RBFOX1: variants seen among roughly 807,000 people sequenced by gnomAD.
RBFOX1 encodes the protein RNA binding fox-1 homolog 1.
RBFOX1 carries 8 observed loss-of-function variants against 57.7 expected under a neutral mutation model. That is an observed-to-expected ratio of 0.14 (90% CI 0.08 to 0.25). RBFOX1 has a LOEUF of 0.25. RBFOX1 is among the 10% of genes least tolerant of loss of function. The pLI, the probability that RBFOX1 is intolerant of heterozygous loss-of-function variation, is 1.00. For missense variants in RBFOX1, 611 were observed against 548.5 expected (o/e 1.11, Z -1.14); for synonymous variants, 326 against 222.4 (o/e 1.47, Z -4.15).
intron 2 of RBFOX1, among the ~76,000 whole-genome samples, chr16:6,400,223 T>C (rs937013030): frequency 3.9e-5 from 6 of 151,932 alleles, no homozygotes; most frequent in African/African-American, 1.5e-4. Flanking sequence ...TCTTAATGCA[T>C]TTAAATTTTT....
intron 4 of RBFOX1, among the ~76,000 whole-genome samples, chr16:5,935,092 CTT>C (rs1429579286): frequency 1.3e-5 from 2 of 152,218 alleles, no homozygotes; most frequent in Admixed American, 6.5e-5. Context: ...TCAGCCAACT[CTT>C]TTACTGAAGC....
intron 4 of RBFOX1, among the ~76,000 whole-genome samples, chr16:7,225,288 G>T (rs900581539): frequency 2.0e-5 from 3 of 152,044 alleles, no homozygotes; most frequent in African/African-American, 7.2e-5. Context: ...CCTACGTGTT[G>T]TGGGAGGGAC....
At chr16:5,362,046 T>C (rs2065566322) in intron 1 of RBFOX1, among the ~76,000 whole-genome samples, 1 of 152,248 alleles carries the variant, frequency 6.6e-6, no homozygotes, top group African/African-American at 2.4e-5. Flanking sequence ...GTTATGTTTT[T>C]ATTTAAATTG....
At chr16:6,035,958 A>G (rs1596555976) in intron 1 of RBFOX1, among the ~76,000 whole-genome samples, 1 of 152,166 alleles carries the variant, frequency 6.6e-6, no homozygotes, top group East Asian at 1.9e-4. Context: ...TTGTAACAGT[A>G]ATTGGGTGCC....
At chr16:6,939,383 A>ACG (rs1555651057) in intron 3 of RBFOX1, among the ~76,000 whole-genome samples, 4 of 149,368 alleles carry the variant, frequency 2.7e-5, no homozygotes, top group African/African-American at 9.8e-5. Flanking sequence ...ATATATGTGT[A>ACG]TGTGTGTGTG....
intron 2 of RBFOX1, among the ~76,000 whole-genome samples, chr16:5,526,974 G>A (rs975822191): frequency 1.1e-4 from 17 of 152,140 alleles, no homozygotes; most frequent in Non-Finnish European, 2.1e-4. Context: ...GGTCCTTCCC[G>A]GGATTTCTGG....
chr16:6,504,525 C>A (rs764069050), intron 2 of RBFOX1, among the ~76,000 whole-genome samples: 2 of 152,062 alleles, frequency 1.3e-5, no homozygotes, highest in African/African-American at 2.4e-5. Flanking sequence ...GCAGAGGACT[C>A]AAAGTAACAG....
At chr16:6,328,294 G>A (rs1051202712) in intron 2 of RBFOX1, among the ~76,000 whole-genome samples, 31 of 152,146 alleles carry the variant, frequency 2.0e-4, no homozygotes, top group African/African-American at 6.3e-4. Flanking sequence ...GGTGGGAGGG[G>A]GATGAAGGAT....
chr16:7,373,738 C>A (rs2097623949), intron 4 of RBFOX1, among the ~76,000 whole-genome samples: 1 of 152,130 alleles, frequency 6.6e-6, no homozygotes, highest in African/African-American at 2.4e-5. Flanking sequence ...ATACAGGGGC[C>A]CAGCTCTTTG....
At chr16:6,864,137 G>A (rs2059508592) in intron 3 of RBFOX1, among the ~76,000 whole-genome samples, 1 of 152,082 alleles carries the variant, frequency 6.6e-6, no homozygotes, top group Non-Finnish European at 1.5e-5. Flanking sequence ...TTAGCAGGAA[G>A]AAGGAGGGGT....
intron 3 of RBFOX1, among the ~76,000 whole-genome samples, chr16:6,666,589 T>C (rs2098734500): frequency 6.7e-6 from 1 of 148,706 alleles, no homozygotes; most frequent in Admixed American, 6.7e-5. Flanking sequence ...ACCCAGGTGG[T>C]AACTGTGGAG....
intron 4 of RBFOX1, among the ~76,000 whole-genome samples, chr16:7,275,532 A>G (rs2095423929): frequency 6.6e-6 from 1 of 152,174 alleles, no homozygotes; most frequent in South Asian, 2.1e-4. Flanking sequence ...AGAATTTGGT[A>G]TTTTTGCTCT....
intron 4 of RBFOX1, among the ~76,000 whole-genome samples, chr16:7,436,158 CCT>C (rs1466066476): frequency 1.3e-5 from 2 of 152,180 alleles, no homozygotes; most frequent in Non-Finnish European, 2.9e-5. Flanking sequence ...TTCTCACATT[CCT>C]CTCTTTTGAC....
At chr16:5,267,591 C>G (rs1484167321) in intron 1 of RBFOX1, among the ~76,000 whole-genome samples, 44 of 151,122 alleles carry the variant, frequency 2.9e-4, no homozygotes, top group Admixed American at 2.8e-3. Context: ...AGCCACTGTG[C>G]CTGGGCCCAC....
At chr16:5,493,457 GGAAATAGAAAGAATTGA>G (rs2042899968) in intron 2 of RBFOX1, among the ~76,000 whole-genome samples, 1 of 152,114 alleles carries the variant, frequency 6.6e-6, no homozygotes, top group African/African-American at 2.4e-5. Context: ...GTAATGAGTT[GGAAATAGAAAGAATTGA>G]CTTCCACGTT....
rs909724033 is a variant in RBFOX1 at position 6,669,880 on chromosome 16, C to T, written c.-16+15230C>T. Among the ~76,000 whole-genome samples the T allele has an allele frequency of 5.9e-5, 9 of 152,158 alleles. No individual in the cohort carries two copies. In the South Asian group the frequency reaches 8.3e-4, roughly 14 times the overall value. ...CTGATGGAGCCAGGGAGGTAGACGG[C>T]ACTTATCATCCTAAGTAACCGACCC... On this transcript the variant is annotated intron_variant, in intron 3 of 15. Transcript: ENST00000550418.
intron 4 of RBFOX1, among the ~76,000 whole-genome samples, chr16:7,191,023 A>G (rs1466512113): frequency 6.6e-6 from 1 of 152,006 alleles, no homozygotes; most frequent in Non-Finnish European, 1.5e-5. Flanking sequence ...ACCCCCACAT[A>G]GTGTCTAGAT....
chr16:6,122,148 C>T (rs554940257), intron 1 of RBFOX1, among the ~76,000 whole-genome samples: 4 of 152,210 alleles, frequency 2.6e-5, no homozygotes, highest in African/African-American at 4.8e-5. Context: ...TCAGATGATC[C>T]GCCCACCTTG....
chr16:7,207,005 G>C (rs528003899), intron 4 of RBFOX1, among the ~76,000 whole-genome samples: 66 of 152,286 alleles, frequency 4.3e-4, no homozygotes, highest in African/African-American at 1.5e-3. Context: ...GCCCCTTGCA[G>C]CTCAGTGCAA....
Sources: gnomAD v4.1 joint callset for allele counts (sites outside exome capture counted in the v4.1 genomes callset) on GRCh38, gnomAD v4.1.1 for gene constraint, MANE v1.5 for transcripts, NCBI Gene and HGNC (gene_info 2026-07-23, HGNC 2026-07-21) for gene names.